SLC49A4: variants seen among roughly 807,000 people sequenced by gnomAD.
The protein encoded by SLC49A4 is disrupted in renal cancer protein 2.
SLC49A4 carries 36 observed loss-of-function variants against 50.6 expected under a neutral mutation model. The observed-to-expected ratio is 0.71, with a 90% CI of 0.55 to 0.94. The LOEUF is 0.94. Ranked by LOEUF, SLC49A4 falls within the 40% of genes least tolerant of loss-of-function variation. The pLI, the probability that SLC49A4 is intolerant of heterozygous loss-of-function variation, is 0.00. For missense variants in SLC49A4, 503 were observed against 605.7 expected, an observed-to-expected ratio of 0.83 and a Z score of 1.78; for synonymous variants, 248 against 241.2, an observed-to-expected ratio of 1.03 and a Z score of -0.26.
rs114033723 is a variant in SLC49A4, at chr3:122,840,966, A to T, written c.834-4797A>T. 8.0e-3 allele frequency among the ~76,000 whole-genome samples: 1,214 copies of T among 152,302 alleles called. 17 individuals are homozygous for T. Among genetic ancestry groups the T allele is most frequent in the African/African-American group, 0.027 (1,111 of 41,566 alleles). On this transcript the variant is annotated intron_variant, in intron 4 of 8. Coordinates refer to ENST00000261038, the MANE Select transcript of SLC49A4 (RefSeq NM_032839.3). ...TTTTATTCTTTTCCTCGTAATTTTT[A>T]ACAAATTTCCATAGCTAAAAACAAT...
intron 4 of SLC49A4, among the ~76,000 whole-genome samples, chr3:122,833,946 C>CT (rs1447450044): frequency 1.3e-5 from 2 of 152,098 alleles, no homozygotes; most frequent in Non-Finnish European, 2.9e-5. Flanking sequence ...TAGGATCATA[C>CT]TTTAAGAAAC....
At chr3:122,870,645 C>G (rs1161014149) in intron 7 of SLC49A4, among the ~76,000 whole-genome samples, 1 of 150,562 alleles carries the variant, frequency 6.6e-6, no homozygotes. Flanking sequence ...CCTGTCTCTA[C>G]TAAAAATACA....
intron 2 of SLC49A4, among the ~76,000 whole-genome samples, chr3:122,819,924 A>G (rs2107562555): frequency 6.6e-6 from 1 of 152,162 alleles, no homozygotes; most frequent in Non-Finnish European, 1.5e-5. Flanking sequence ...TATTGACCTA[A>G]TGAGTTTTGG....
At chr3:122,796,577 A>G (rs889472691) in intron 1 of SLC49A4, among the ~76,000 whole-genome samples, 3 of 152,214 alleles carry the variant, frequency 2.0e-5, no homozygotes, top group African/African-American at 7.2e-5. Flanking sequence ...CTTCACTATA[A>G]CATAAGATGG....
intron 4 of SLC49A4, among the ~76,000 whole-genome samples, chr3:122,841,941 T>TA (rs74827844): frequency 0.43 from 65,802 of 151,378 alleles, 15,363 homozygotes; most frequent in South Asian, 0.55. Context: ...ACATAATAGG[T>TA]AAAAAAAATG....
chr3:122,822,936 C>A (rs982658346), intron 2 of SLC49A4, among the ~76,000 whole-genome samples: 1 of 152,154 alleles, frequency 6.6e-6, no homozygotes, highest in African/African-American at 2.4e-5. Context: ...TATTGTATCA[C>A]CTTAACGGTT....
chr3:122,825,802 T>C (rs1019814814), intron 2 of SLC49A4, among the ~76,000 whole-genome samples: 3 of 152,098 alleles, frequency 2.0e-5, no homozygotes, highest in Non-Finnish European at 4.4e-5. Flanking sequence ...TATGCTTTCT[T>C]TGGACTTCTG....
chr3:122,866,881 T>G (rs1166786581), intron 7 of SLC49A4, among the ~76,000 whole-genome samples: 5 of 152,210 alleles, frequency 3.3e-5, no homozygotes, highest in Non-Finnish European at 7.4e-5. Context: ...CCAAGGCTGT[T>G]GCTTCTCATG....
chr3:122,851,661 C>T (rs775386927), intron 5 of SLC49A4, among the ~76,000 whole-genome samples: 9 of 151,942 alleles, frequency 5.9e-5, no homozygotes, highest in Non-Finnish European at 1.0e-4. Context: ...TATTGAATGT[C>T]GTCTTGTTAG....
intron 2 of SLC49A4, among the ~76,000 whole-genome samples, chr3:122,817,926 C>T (rs902009202): frequency 6.6e-6 from 1 of 151,888 alleles, no homozygotes; most frequent in African/African-American, 2.4e-5. Context: ...ATGCTCTGTG[C>T]TGATGAAGCA....
intron 4 of SLC49A4, among the ~76,000 whole-genome samples, chr3:122,841,537 C>T (rs1458084032): frequency 6.6e-6 from 1 of 152,162 alleles, no homozygotes; most frequent in Non-Finnish European, 1.5e-5. Flanking sequence ...GTACTCCTAC[C>T]AAACAGAGTT....
At chr3:122,863,913 C>G (rs1576310358) in intron 7 of SLC49A4, among the ~76,000 whole-genome samples, 1 of 151,814 alleles carries the variant, frequency 6.6e-6, no homozygotes, top group Non-Finnish European at 1.5e-5. Context: ...TTTTTTGAGA[C>G]AGTCTCACTC....
At position 122,872,480 on chromosome 3, in the gene SLC49A4, G is replaced by A. The variant is rs757709352; in HGVS notation, c.1204G>A (p.Glu402Lys). ...GAATAGCAGCGTGCCTATATTTTTT[G>A]AGCTTTTTGTGGAAACTGTCTACCC... is the stretch of plus-strand genomic sequence containing the variant. ...FLNSSVPIFF[E>K]LFVETVYPVP... Residue 402 changes from glutamate (E) to lysine (K), a missense_variant, in exon 8 of 9, where the codon GAG becomes AAG. By Grantham distance (56) the Glu-to-Lys change is moderately conservative. Coordinates refer to ENST00000261038, the MANE Select transcript of SLC49A4 (RefSeq NM_032839.3). 2 of 1,613,842 alleles carry A rather than the reference G, an allele frequency of 1.2e-6. No individual in the cohort carries two copies. The highest frequency in any genetic ancestry group is 1.7e-4 in the Middle Eastern group (1 of 6,060).
chr3:122,856,190 T>C lies in SLC49A4; in HGVS notation c.943-117T>C. The stretch of plus-strand genomic sequence containing the variant: ...TTTGTATACATTAGTTACACATGAA[T>C]TCTTTTATTTCATCCATTTAGCTAC... On this transcript the variant is annotated intron_variant, in intron 5 of 8. Transcript: ENST00000261038. The C allele has an allele frequency of 3.5e-6, 3 of 851,878 alleles. No individual in the cohort carries two copies. The South Asian group carries it at 5.0e-5, about 14-fold the overall frequency. 52.8% of individuals were successfully genotyped at this position (851,878 alleles called of 1,614,324 possible).
intron 8 of SLC49A4, among the ~76,000 whole-genome samples, chr3:122,873,546 T>C (rs148657851): frequency 6.6e-6 from 1 of 152,316 alleles, no homozygotes; most frequent in Non-Finnish European, 1.5e-5. Flanking sequence ...GGCATAGCAC[T>C]TTCACCCAAC....
At chr3:122,854,966 G>A (rs901854983) in intron 5 of SLC49A4, among the ~76,000 whole-genome samples, 7 of 151,888 alleles carry the variant, frequency 4.6e-5, no homozygotes, top group African/African-American at 7.3e-5. Flanking sequence ...GGTGGCGGGC[G>A]CCTGTAGTCC....
At position 122,826,916 on chromosome 3, in the gene SLC49A4, T is replaced by G. The variant is rs564435130; in HGVS notation, c.554T>G (p.Ile185Ser). ...SADERATATA[I>S]ASMLSYLGGA... is the part of the protein sequence containing the mutation. ...GATGAAAGGGCCACAGCCACAGCTA[T>G]TGCATCAATGCTCAGTTATCTTGGG... Residue 185 changes from isoleucine (I) to serine (S), a missense_variant, in exon 3 of 9, where the codon ATT becomes AGT. Ile to Ser is a moderately radical substitution (Grantham distance 142). Coordinates refer to ENST00000261038, the MANE Select transcript of SLC49A4 (RefSeq NM_032839.3). 1 of 1,614,224 alleles carries G rather than the reference T, an allele frequency of 6.2e-7. No individual in the cohort carries two copies. Among genetic ancestry groups the G allele is most frequent in the Admixed American group, 1.7e-5 (1 of 60,026 alleles).
chr3:122,805,842 A>G (rs1382439647), intron 1 of SLC49A4, among the ~76,000 whole-genome samples: 1 of 152,216 alleles, frequency 6.6e-6, no homozygotes, highest in Non-Finnish European at 1.5e-5. Context: ...ACACATTTTC[A>G]AAGTAATTGT....
intron 1 of SLC49A4, among the ~76,000 whole-genome samples, chr3:122,798,227 T>C (rs144133772): frequency 7.9e-5 from 12 of 152,308 alleles, no homozygotes; most frequent in African/African-American, 2.9e-4. Flanking sequence ...TGCTGTGTTA[T>C]AGTTTCTTTT....
Sources: allele counts gnomAD v4.1 joint callset (sites outside exome capture counted in the v4.1 genomes callset), GRCh38; gene constraint gnomAD v4.1.1; transcripts MANE v1.5; gene names NCBI Gene and HGNC (gene_info 2026-07-23, HGNC 2026-07-21).